Variants in ZNF337 observed in about 807,000 individuals in gnomAD.
The protein encoded by ZNF337 is zinc finger protein 337.
Under a neutral mutation model 12.1 loss-of-function variants are expected in ZNF337, and 8 were observed. The ratio of observed to expected loss-of-function variants is 0.66; its 90% CI spans 0.39 to 1.19. ZNF337 has a LOEUF of 1.19. Ranked by LOEUF, ZNF337 falls within the 50% of genes most tolerant of loss-of-function variation. ZNF337 has a pLI of 0.01. For synonymous variants in ZNF337, 336 were observed against 320.0 expected (o/e 1.05, Z -0.53); for missense variants, 882 against 896.6 (o/e 0.98, Z 0.21).
At chr20:25,683,575 G>A (rs2065793287) in intron 4 of ZNF337, among the ~76,000 whole-genome samples, 1 of 150,690 alleles carries the variant, frequency 6.6e-6, no homozygotes, top group African/African-American at 2.4e-5. Flanking sequence ...CTCAAAAGAA[G>A]ACATTTATGC....
intron 1 of ZNF337, among the ~76,000 whole-genome samples, chr20:25,694,440 T>C (rs2065904209): frequency 1.3e-5 from 2 of 152,156 alleles, no homozygotes; most frequent in Non-Finnish European, 2.9e-5. Flanking sequence ...TGCAAGGTCA[T>C]GAGGTATATC....
At chr20:25,678,849 C>T (rs1037909492) in intron 4 of ZNF337, among the ~76,000 whole-genome samples, 9 of 152,042 alleles carry the variant, frequency 5.9e-5, no homozygotes, top group Non-Finnish European at 1.0e-4. Context: ...ACTTGAGACA[C>T]GAGGATCACT....
chr20:25,695,055 G>C (rs2065909359), intron 1 of ZNF337, among the ~76,000 whole-genome samples: 1 of 152,150 alleles, frequency 6.6e-6, no homozygotes, highest in African/African-American at 2.4e-5. Context: ...TGGATCACCT[G>C]AGGTCAGGAA....
At chr20:25,678,125 T>C (rs772998254) in intron 4 of ZNF337, 1 of 152,174 alleles carries the variant, frequency 6.6e-6, no homozygotes, top group Non-Finnish European at 1.5e-5. Flanking sequence ...TGTCTCTTTT[T>C]GCAGATGACA....
intron 4 of ZNF337, among the ~76,000 whole-genome samples, chr20:25,684,120 G>A (rs546957222): frequency 6.2e-5 from 9 of 146,178 alleles, no homozygotes; most frequent in Admixed American, 5.0e-4. Flanking sequence ...ACCAAACACC[G>A]CATGTTCTCA....
intron 4 of ZNF337, among the ~76,000 whole-genome samples, chr20:25,683,464 A>G (rs532133573): frequency 6.6e-6 from 1 of 152,224 alleles, no homozygotes; most frequent in Admixed American, 6.5e-5. Flanking sequence ...GAAGGAGAAT[A>G]ACGGACAGAG....
At chr20:25,680,825 T>C (rs550215312) in intron 4 of ZNF337, 1 of 152,360 alleles carries the variant, frequency 6.6e-6, no homozygotes, top group Non-Finnish European at 1.5e-5. Flanking sequence ...ATCCTGCCAG[T>C]AACCTCACTT....
In ZNF337 at chr20:25,675,391, A is replaced by C; in HGVS notation, c.1897T>G (p.Cys633Gly). The C allele has an allele frequency of 3.1e-6, 5 of 1,613,698 alleles. No individual in the cohort carries two copies. Among genetic ancestry groups the C allele is most frequent in the Non-Finnish European group, 4.2e-6 (5 of 1,179,956 alleles). Residue 633 changes from cysteine (C) to glycine (G), a missense_variant, in exon 5 of 5, where the codon TGT (cysteine) becomes GGT (glycine). Cys to Gly is a radical substitution (Grantham distance 159). Coordinates refer to ENST00000252979, the MANE Select transcript of ZNF337 (RefSeq NM_015655.4). Reference protein sequence around the residue: ...SGKQPFVCKECGRGFNWKGNL... With the variant: ...SGKQPFVCKEGGRGFNWKGNL... ...CCCTTCCAGTTGAAGCCTCGCCCAC[A>C]CTCCTTGCATACAAAAGGCTGCTTG...
At chr20:25,696,457 A>T (rs892373983) in intron 1 of ZNF337, among the ~76,000 whole-genome samples, 3 of 152,150 alleles carry the variant, frequency 2.0e-5, no homozygotes, top group African/African-American at 7.2e-5. Context: ...GCACAAGAGG[A>T]CCTGGGTTGC....
intron 1 of ZNF337, among the ~76,000 whole-genome samples, chr20:25,695,613 C>T (rs1010020267): frequency 6.6e-6 from 1 of 152,188 alleles, no homozygotes; most frequent in African/African-American, 2.4e-5. Context: ...TGCAGTGCAG[C>T]CAACATAGCT....
At position 25,676,866 on chromosome 20, in the gene ZNF337, A is replaced by G; in HGVS notation, c.422T>C (p.Val141Ala). Residue 141 changes from valine to alanine, a missense_variant, in exon 5 of 5, where the codon GTA (valine) becomes GCA (alanine). By Grantham distance (64) the Val-to-Ala change is moderately conservative. Transcript: ENST00000252979. Reference sequence around the variant, plus strand: ...TACACTGTTCCTCCTCCTTGAGCTTACTGCATGTCTTAGGGGTGGGCTGGA... The same window carrying G: ...TACACTGTTCCTCCTCCTTGAGCTTGCTGCATGTCTTAGGGGTGGGCTGGA... ...AFSSPPLRHA[V>A]SSRRRNSVVE... is the part of the protein sequence containing the mutation. The G allele has an allele frequency of 6.2e-7, 1 of 1,613,944 alleles. No homozygotes were observed. The highest frequency in any genetic ancestry group is 8.5e-7 in the Non-Finnish European group (1 of 1,180,000).
In ZNF337 at chr20:25,675,970, C is replaced by T. The variant is rs1473855745; in HGVS notation, c.1318G>A (p.Gly440Arg). The change falls in exon 5 of 5, where the codon GGA becomes AGA. Residue 440 changes from glycine (G) to arginine (R), a missense_variant. By Grantham distance (125) the Gly-to-Arg change is moderately radical. Coordinates refer to ENST00000252979, the MANE Select transcript of ZNF337 (RefSeq NM_015655.4). Reference protein sequence around the residue: ...KPFVCRECGQGFIQKSTLVKH... With the variant: ...KPFVCRECGQRFIQKSTLVKH... ...ACAAGGGTTGACTTCTGAATAAATCCTTGCCCACATTCTCTACAAACAAAA... is the reference window on the plus strand; with the variant it reads ...ACAAGGGTTGACTTCTGAATAAATCTTTGCCCACATTCTCTACAAACAAAA... 5 of 1,612,676 alleles carry T rather than the reference C, an allele frequency of 3.1e-6. No homozygotes were observed. The highest frequency in any genetic ancestry group is 1.7e-5 in the Admixed American group (1 of 59,918).
chr20:25,693,743 T>C (rs556584268), intron 1 of ZNF337, among the ~76,000 whole-genome samples: 2 of 152,112 alleles, frequency 1.3e-5, no homozygotes, highest in Admixed American at 6.5e-5. Flanking sequence ...AAACCCACCA[T>C]GGTTTAGGGC....
At chr20:25,694,864 G>A (rs563573779) in intron 1 of ZNF337, among the ~76,000 whole-genome samples, 1 of 152,342 alleles carries the variant, frequency 6.6e-6, no homozygotes, top group South Asian at 2.1e-4. Context: ...AGGGGCAACA[G>A]ATTGAAATGG....
intron 1 of ZNF337, among the ~76,000 whole-genome samples, chr20:25,692,823 G>A (rs6037197): frequency 0.03 from 4,539 of 152,120 alleles, 222 homozygotes; most frequent in African/African-American, 0.1. Context: ...GCTCCTCCAC[G>A]TATATTTCAT....
intron 4 of ZNF337, among the ~76,000 whole-genome samples, 185 bp downstream of exon 4, chr20:25,685,382 A>G (rs971116083): frequency 1.3e-5 from 2 of 151,998 alleles, no homozygotes; most frequent in East Asian, 3.9e-4. Context: ...TTCCTGGGAG[A>G]AGGAGTCCAG....
Position 25,676,187 on chromosome 20 carries a change from C to G in ZNF337, c.1101G>C (p.Gln367His). 6.2e-7 allele frequency: 1 copy of G among 1,614,170 alleles called. No homozygotes were observed. Among genetic ancestry groups the G allele is most frequent in the Non-Finnish European group, 8.5e-7 (1 of 1,180,038 alleles). ...FSNKSHLITHQRTHSGEKPFA... is the reference protein window; with the variant it reads ...FSNKSHLITHHRTHSGEKPFA... Reference sequence around the variant, plus strand: ...AGGGCTTCTCCCCTGAGTGTGTCCTCTGGTGTGTGATAAGGTGTGACTTAT... The same window carrying G: ...AGGGCTTCTCCCCTGAGTGTGTCCTGTGGTGTGTGATAAGGTGTGACTTAT... Residue 367 changes from glutamine to histidine, a missense_variant, in exon 5 of 5, where the codon CAG becomes CAC. Coordinates refer to ENST00000252979, the MANE Select transcript of ZNF337 (RefSeq NM_015655.4).
Position 25,675,827 on chromosome 20 carries a change from A to T in ZNF337, c.1461T>A (p.Pro487=), listed in dbSNP as rs141678253. 121 of 1,613,496 alleles carry T rather than the reference A, an allele frequency of 7.5e-5. No homozygotes were observed. The highest frequency in any genetic ancestry group is 9.5e-5 in the Non-Finnish European group (112 of 1,179,870). The change falls in exon 5 of 5, where the codon CCT becomes CCA. Residue 487 remains proline, a synonymous_variant. Coordinates refer to ENST00000252979, the MANE Select transcript of ZNF337 (RefSeq NM_015655.4). ...TTCGCCCACACTCCCGACATCCATA[A>T]GGCTTCTCCTCTGAGTGTGTCCTCT... ...LHQRTHSEEK[P]YGCRECGRRF...
intron 1 of ZNF337, among the ~76,000 whole-genome samples, chr20:25,693,054 T>C (rs2065894262): frequency 6.6e-6 from 1 of 152,222 alleles, no homozygotes; most frequent in Non-Finnish European, 1.5e-5. Flanking sequence ...CCCAGTCCAC[T>C]TGATCCCAGA....
Sources: gnomAD v4.1 joint callset for allele counts (sites outside exome capture counted in the v4.1 genomes callset) on GRCh38, gnomAD v4.1.1 for gene constraint, MANE v1.5 for transcripts, NCBI Gene and HGNC (gene_info 2026-07-23, HGNC 2026-07-21) for gene names.